Variants in ARG2 observed in about 807,000 individuals in gnomAD.
ARG2 encodes arginase-2, mitochondrial.
ARG2 carries 21 observed loss-of-function variants against 39.4 expected under a neutral mutation model. That is an observed-to-expected ratio of 0.53 (90% CI 0.38 to 0.77). The LOEUF is 0.77. ARG2 is among the 30% of genes least tolerant of loss of function. The pLI is 0.00. For synonymous variants in ARG2, 150 were observed against 156.7 expected (o/e 0.96, Z 0.32); for missense variants, 378 against 426.2 (o/e 0.89, Z 1.00).
At chr14:67,643,869 AAAAAAAAAAAAAAG>A (rs1566804259) in intron 3 of ARG2, among the ~76,000 whole-genome samples, 1 of 117,698 alleles carries the variant, frequency 8.5e-6, no homozygotes, top group South Asian at 3.7e-4. Flanking sequence ...AAAAAAAAAA[AAAAAAAAAAAAAAG>A]ACTCAGGTTG....
chr14:67,650,849 A>ATTGTCTATGACCAACTTCCTACTCCC lies in ARG2; in HGVS notation c.995_1020dup (p.Ser341LeufsTer21), dbSNP rs749110206. ...TGGTCAGACAAGAGAAGGAGGGCAT[A>ATTGTCTATGACCAACTTCCTACTCCC]TTGTCTATGACCAACTTCCTACTCC... is the stretch of plus-strand genomic sequence containing the variant. On this transcript the variant is annotated frameshift_variant, in exon 8 of 8. Coordinates refer to ENST00000261783, the MANE Select transcript of ARG2 (RefSeq NM_001172.4). LOFTEE classifies it high-confidence loss of function. 33 of 1,614,080 alleles carry ATTGTCTATGACCAACTTCCTACTCCC rather than the reference A, an allele frequency of 2.0e-5. No homozygotes were observed. In the East Asian group the frequency reaches 5.6e-4, roughly 27 times the overall value.
At position 67,651,624 on chromosome 14, in the gene ARG2, A is replaced by G. The variant is rs2037178620; in HGVS notation, c.*704A>G. On this transcript the variant is annotated 3_prime_UTR_variant, in exon 8 of 8. Coordinates refer to ENST00000261783, the MANE Select transcript of ARG2 (RefSeq NM_001172.4). ...CAGCCACTTAGCAGGAAGTACTCAT[A>G]AGGTTCTTTAGCTGTCACTTAGGGA... 2.3e-6 allele frequency: 2 copies of G among 859,594 alleles called. No homozygotes were observed. Among genetic ancestry groups the G allele is most frequent in the South Asian group, 3.7e-5 (2 of 54,658 alleles). The allele number at this position is 859,594 out of a possible 1,614,324, so 53.2% of individuals were successfully genotyped here.
At chr14:67,624,060 C>T (rs968612023) in intron 2 of ARG2, among the ~76,000 whole-genome samples, 5 of 152,026 alleles carry the variant, frequency 3.3e-5, no homozygotes, top group Non-Finnish European at 5.9e-5. Flanking sequence ...AGGCTGGTCC[C>T]GAACTCCTGG....
intron 7 of ARG2, chr14:67,648,403 T>C (rs2037129133): frequency 2.4e-6 from 1 of 411,780 alleles, no homozygotes; most frequent in East Asian, 3.7e-5. Context: ...AAGGTAATAA[T>C]GAGTAAAAAA....
intron 2 of ARG2, among the ~76,000 whole-genome samples, chr14:67,637,959 C>G (rs1417874743): frequency 6.6e-6 from 1 of 152,120 alleles, no homozygotes; most frequent in Non-Finnish European, 1.5e-5. Context: ...AGGAGGTGTG[C>G]TTTCTCAATG....
chr14:67,635,584 C>T (rs939113301), intron 2 of ARG2, among the ~76,000 whole-genome samples: 6 of 152,236 alleles, frequency 3.9e-5, no homozygotes, highest in East Asian at 1.9e-4. Flanking sequence ...CCGGGCACGG[C>T]GGCTCACACC....
chr14:67,635,368 A>C (rs1031065906), intron 2 of ARG2, among the ~76,000 whole-genome samples: 1 of 152,258 alleles, frequency 6.6e-6, no homozygotes, highest in Admixed American at 6.5e-5. Flanking sequence ...GTCTCTTCAA[A>C]GGTTATTACC....
chr14:67,631,143 C>G (rs2036914337), intron 2 of ARG2, among the ~76,000 whole-genome samples: 4 of 152,166 alleles, frequency 2.6e-5, no homozygotes, highest in Admixed American at 2.6e-4. Flanking sequence ...TCCCCCTTGA[C>G]CTTAGGTAGC....
chr14:67,644,718 G>C (rs911646834), intron 3 of ARG2, among the ~76,000 whole-genome samples: 69 of 152,274 alleles, frequency 4.5e-4, no homozygotes, highest in Non-Finnish European at 4.1e-4. Flanking sequence ...TATATTTGAG[G>C]CTGGGCATAG....
chr14:67,651,589 T>A lies in ARG2; in HGVS notation c.*669T>A. ...CGGCTGGATACTCTGAGGCTGTATG[T>A]TTGATCACACAGCCACTTAGCAGGA... On this transcript the variant is annotated 3_prime_UTR_variant, in exon 8 of 8. Coordinates refer to ENST00000261783, the MANE Select transcript of ARG2 (RefSeq NM_001172.4). The A allele has an allele frequency of 8.0e-7, 1 of 1,246,534 alleles. No homozygotes were observed. The highest frequency in any genetic ancestry group is 1.1e-6 in the Non-Finnish European group (1 of 909,806). 77.2% of individuals were successfully genotyped at this position (1,246,534 alleles called of 1,614,324 possible).
At chr14:67,634,594 CAA>C (rs5809357) in intron 2 of ARG2, among the ~76,000 whole-genome samples, 33 of 115,242 alleles carry the variant, frequency 2.9e-4, no homozygotes, top group Admixed American at 6.3e-4. Context: ...ACCGTGTCTC[CAA>C]AAAAAAAAAA....
At chr14:67,634,979 C>A (rs1034683951) in intron 2 of ARG2, among the ~76,000 whole-genome samples, 11 of 152,162 alleles carry the variant, frequency 7.2e-5, no homozygotes, top group African/African-American at 2.7e-4. Context: ...CGCACGGTGG[C>A]TCACGCCTGT....
intron 2 of ARG2, among the ~76,000 whole-genome samples, chr14:67,623,865 G>C (rs1453257333): frequency 6.6e-6 from 1 of 152,032 alleles, no homozygotes; most frequent in Non-Finnish European, 1.5e-5. Flanking sequence ...CTTTGAGAGA[G>C]GGTCTCACTC....
At position 67,651,253 on chromosome 14, in the gene ARG2, C is replaced by T. The variant is rs2037171689; in HGVS notation, c.*333C>T. ...GGTTTTTCATCTTTCCTCCCTCCTCCCACAGCCTGGCTATACAGTGCATCC... is the reference window on the plus strand; with the variant it reads ...GGTTTTTCATCTTTCCTCCCTCCTCTCACAGCCTGGCTATACAGTGCATCC... On this transcript the variant is annotated 3_prime_UTR_variant, in exon 8 of 8. Transcript: ENST00000261783. 8 of 1,536,084 alleles carry T rather than the reference C, an allele frequency of 5.2e-6. No homozygotes were observed. In the South Asian group the frequency reaches 7.5e-5, roughly 14 times the overall value.
intron 2 of ARG2, among the ~76,000 whole-genome samples, chr14:67,636,994 A>G (rs1355236440): frequency 6.6e-6 from 1 of 152,210 alleles, no homozygotes; most frequent in East Asian, 1.9e-4. Flanking sequence ...AGCCAGACAC[A>G]TATTCCTTAC....
In ARG2 at chr14:67,651,151, T is replaced by A; in HGVS notation, c.*231T>A. On this transcript the variant is annotated 3_prime_UTR_variant, in exon 8 of 8. Coordinates refer to ENST00000261783, the MANE Select transcript of ARG2 (RefSeq NM_001172.4). Reference sequence around the variant, plus strand: ...AATATGCTACAGTACTATGTAAATTTAAAGAAGTCATAAACAGCATTTATT... The same window carrying A: ...AATATGCTACAGTACTATGTAAATTAAAAGAAGTCATAAACAGCATTTATT... The A allele has an allele frequency of 2.1e-6, 2 of 954,704 alleles. No individual in the cohort carries two copies. Among genetic ancestry groups the A allele is most frequent in the Non-Finnish European group, 3.0e-6 (2 of 659,822 alleles). The allele number at this position is 954,704 out of a possible 1,614,324, so 59.1% of individuals were successfully genotyped here.
rs746675873 is a variant in ARG2 at position 67,642,237 on chromosome 14, A to G, written c.236A>G (p.Asp79Gly). ...GDLSFTPVPK[D>G]DLYNNLIVNP... ...TTGAGTTTTACTCCAGTCCCCAAAG[A>G]TGATCTCTACAACAACCTGATAGTG... Residue 79 changes from aspartate (D) to glycine (G), a missense_variant, in exon 3 of 8, where the codon GAT becomes GGT. Transcript: ENST00000261783. The G allele has an allele frequency of 1.2e-6, 2 of 1,614,116 alleles. No homozygotes were observed. The highest frequency in any genetic ancestry group is 1.7e-6 in the Non-Finnish European group (2 of 1,180,000).
intron 1 of ARG2, 71 bp from the exon 2 acceptor site, chr14:67,620,823 C>T (rs2036801699): frequency 6.6e-7 from 1 of 1,521,094 alleles, no homozygotes; most frequent in East Asian, 2.3e-5. Flanking sequence ...CTGCTGGGAA[C>T]TAAATGTACC....
At chr14:67,632,968 C>T (rs1391605262) in intron 2 of ARG2, among the ~76,000 whole-genome samples, 1 of 151,408 alleles carries the variant, frequency 6.6e-6, no homozygotes, top group East Asian at 1.9e-4. Flanking sequence ...CTACAGGCGC[C>T]CGCCACCACG....
Sources: gnomAD v4.1 joint callset for allele counts (sites outside exome capture counted in the v4.1 genomes callset) on GRCh38, gnomAD v4.1.1 for gene constraint, MANE v1.5 for transcripts, NCBI Gene and HGNC (gene_info 2026-07-23, HGNC 2026-07-21) for gene names.